The following RAPGEF3 variants were observed in gnomAD, a reference collection of about 807,000 sequenced individuals.
RAPGEF3 encodes 9330170P05Rik.
Under a neutral mutation model 129.8 loss-of-function variants are expected in RAPGEF3, and 103 were observed. That is an observed-to-expected ratio of 0.79 (90% CI 0.68 to 0.93). The LOEUF (loss-of-function observed/expected upper bound fraction) is 0.93, where lower values mean the gene tolerates loss of function less well. RAPGEF3 is among the 40% of genes least tolerant of loss of function. The pLI, the probability that RAPGEF3 is intolerant of heterozygous loss-of-function variation, is 0.00. For synonymous variants in RAPGEF3, 436 were observed against 482.6 expected (o/e 0.90, Z 1.26); for missense variants, 1,117 against 1,207.4 (o/e 0.93, Z 1.11).
At chr12:47,750,138 A>G in intron 7 of RAPGEF3, 148 bp from the exon 8 acceptor site, 1 of 1,153,320 alleles carries the variant, frequency 8.7e-7, no homozygotes, top group Non-Finnish European at 1.3e-6. Context: ...TCAGCAGGAG[A>G]CAAAGCAAGT....
rs796826496 is a variant in RAPGEF3 at position 47,739,202 on chromosome 12, C to G, written c.2402G>C (p.Arg801Pro). ...AGGGGAGAGCTTGGCGAGGGCCAGTCGGTATACCCGGTGGTTCCATGAGGG... is the reference window on the plus strand; with the variant it reads ...AGGGGAGAGCTTGGCGAGGGCCAGTGGGTATACCCGGTGGTTCCATGAGGG... ...LDPSWNHRVY[R>P]LALAKLSPPV... Residue 801 changes from arginine (R) to proline (P), a missense_variant, in exon 24 of 28, where the codon CGA becomes CCA. Arg to Pro is a moderately radical substitution (Grantham distance 103, BLOSUM62 -2). Around this residue, in one of 3 missense-constraint regions of RAPGEF3, gnomAD observed 643 missense variants for 673.4 expected, o/e 0.95. Transcript: ENST00000449771. The G allele has an allele frequency of 6.2e-7, 1 of 1,611,604 alleles. No individual in the cohort carries two copies. Among genetic ancestry groups the G allele is most frequent in the East Asian group, 2.2e-5 (1 of 44,862 alleles).
At position 47,747,321 on chromosome 12, in the gene RAPGEF3, A is replaced by C. The variant is rs527681288; in HGVS notation, c.1556+223T>G. Among the ~76,000 whole-genome samples the C allele has an allele frequency of 2.6e-5, 4 of 152,324 alleles. No homozygotes were observed. The South Asian group carries it at 8.3e-4, about 32-fold the overall frequency. On this transcript the variant is annotated intron_variant, in intron 15 of 27. Transcript: ENST00000449771. The stretch of plus-strand genomic sequence containing the variant: ...TGGAGGAAGTGAGAACAGCAGGTGC[A>C]CTCAGGATATGAGAATGAATAAATG...
Position 47,736,872 on chromosome 12 carries a change from AG to A in RAPGEF3, c.*694del, listed in dbSNP as rs1940817634. The A allele has an allele frequency of 6.6e-6, 1 of 152,292 alleles. No homozygotes were observed. 9.4% of individuals were successfully genotyped at this position (152,292 alleles called of 1,614,324 possible). A position where few individuals can be genotyped will look rare whatever the true frequency, so the allele number is the denominator to read the frequency against. On this transcript the variant is annotated 3_prime_UTR_variant, in exon 28 of 28. Transcript: ENST00000449771. ...GCCCGCCCTTTGGCCAGAGCCCTGG[AG>A]GCACATCTGGGTGGCATCAGGATCT...
At position 47,739,888 on chromosome 12, in the gene RAPGEF3, C is replaced by T. The variant is rs904616524; in HGVS notation, c.2373+253G>A. The T allele has an allele frequency of 7.0e-6, 4 of 574,564 alleles. No individual in the cohort carries two copies. The Admixed American group carries it at 1.2e-4, about 17-fold the overall frequency. The allele number at this position is 574,564 out of a possible 1,614,324, so 35.6% of individuals were successfully genotyped here. A position where few individuals can be genotyped will look rare whatever the true frequency, so the allele number is the denominator to read the frequency against. On this transcript the variant is annotated intron_variant, in intron 23 of 27. Transcript: ENST00000449771. ...CTCCAGCCCAGTCTTCACACAGGAT[C>T]TCCTGCCCCCATGCACACACTGAGG...
At chr12:47,741,080 C>A in intron 19 of RAPGEF3, 40 bp from the exon 20 acceptor site, 1 of 1,603,444 alleles carries the variant, frequency 6.2e-7, no homozygotes, top group Non-Finnish European at 8.5e-7. Context: ...CCTGAGGAAT[C>A]CAGGGAAAGG....
At chr12:47,748,429 C>T in intron 12 of RAPGEF3, 25 bp downstream of exon 12, 1 of 1,597,188 alleles carries the variant, frequency 6.3e-7, no homozygotes, top group Non-Finnish European at 8.6e-7. Flanking sequence ...AGTCAGAAAG[C>T]AGGCAGGGTG....
chr12:47,739,963 C>T, intron 23 of RAPGEF3, 178 bp downstream of exon 23: 3 of 731,442 alleles, frequency 4.1e-6, no homozygotes, highest in Non-Finnish European at 7.0e-6. Flanking sequence ...ACCCCTTCCT[C>T]AGCCAGCTCC....
chr12:47,754,251 C>CT (rs1343225911), intron 2 of RAPGEF3, among the ~76,000 whole-genome samples: 3 of 152,258 alleles, frequency 2.0e-5, no homozygotes, highest in African/African-American at 7.2e-5. Context: ...GTTTCCTCAG[C>CT]TTTGTGCTAT....
At chr12:47,751,279 C>G in intron 5 of RAPGEF3, 63 bp from the exon 6 acceptor site, 32 of 1,550,166 alleles carry the variant, frequency 2.1e-5, no homozygotes, top group Non-Finnish European at 2.8e-5. Context: ...GGTATGAAAC[C>G]CCACTGCGAT....
rs1592589199 is a variant in RAPGEF3, at chr12:47,758,609, T to A, written c.-53A>T. On this transcript the variant is annotated 5_prime_UTR_variant, in exon 1 of 28. Coordinates refer to ENST00000449771, the MANE Select transcript of RAPGEF3 (RefSeq NM_001098531.4). ...CAGGCTCTAGCAAAAGGCTGGGGGG[T>A]CCCCAGCGACCCCCATCAGCTTTGA... is the stretch of plus-strand genomic sequence containing the variant. 6.2e-7 allele frequency: 1 copy of A among 1,609,252 alleles called. No homozygotes were observed. Among genetic ancestry groups the A allele is most frequent in the South Asian group, 1.1e-5 (1 of 90,574 alleles).
intron 2 of RAPGEF3, chr12:47,753,767 A>T (rs1941895936): frequency 6.6e-6 from 1 of 152,214 alleles, no homozygotes; most frequent in Admixed American, 6.5e-5. Flanking sequence ...TCCCTGCCCC[A>T]ACTCCCATTG....
chr12:47,744,003 G>A lies in RAPGEF3; in HGVS notation c.1662C>T (p.Ile554=). ...ACCACCAACCTTTATCCCCAACTTG[G>A]ATGGCACAGCTGCTGCCAGGAAGGG... The part of the protein sequence containing the change: ...DEPLPGSSCA[I]QVGDKVPYDI... Residue 554 remains isoleucine (I), a synonymous_variant, in exon 17 of 28, where the codon ATC becomes ATT. Transcript: ENST00000449771. The A allele has an allele frequency of 1.9e-6, 3 of 1,609,724 alleles. No homozygotes were observed. Among genetic ancestry groups the A allele is most frequent in the Non-Finnish European group, 2.6e-6 (3 of 1,176,086 alleles).
chr12:47,743,986 C>G lies in RAPGEF3; in HGVS notation c.1678+1G>C. On this transcript the variant is annotated splice_donor_variant, in intron 17 of 27. Transcript: ENST00000449771. LOFTEE classifies it high-confidence loss of function. ...GTGCCCAGCCGGCACAGACCACCAACCTTTATCCCCAACTTGGATGGCACA... is the reference window on the plus strand; with the variant it reads ...GTGCCCAGCCGGCACAGACCACCAAGCTTTATCCCCAACTTGGATGGCACA... 1 of 1,601,328 alleles carries G rather than the reference C, an allele frequency of 6.2e-7. No individual in the cohort carries two copies. Among genetic ancestry groups the G allele is most frequent in the Non-Finnish European group, 8.6e-7 (1 of 1,168,664 alleles).
chr12:47,740,724 A>C lies in RAPGEF3; in HGVS notation c.2149T>G (p.Trp717Gly). 1 of 1,613,986 alleles carries C rather than the reference A, an allele frequency of 6.2e-7. No individual in the cohort carries two copies. Among genetic ancestry groups the C allele is most frequent in the Non-Finnish European group, 8.5e-7 (1 of 1,179,964 alleles). Residue 717 changes from tryptophan to glycine, a missense_variant, in exon 21 of 28, where the codon TGG becomes GGG. Coordinates refer to ENST00000449771, the MANE Select transcript of RAPGEF3 (RefSeq NM_001098531.4). The stretch of plus-strand genomic sequence containing the variant: ...CAGAGACACAGCTCGGTGGCCACCC[A>C]GTACTGCAGCTCATTGAAGCGGCGC... ...FMRRFNELQYWVATELCLCPV... is the reference protein window; with the variant it reads ...FMRRFNELQYGVATELCLCPV...
At position 47,740,979 on chromosome 12, in the gene RAPGEF3, C is replaced by CTCACCAGG; in HGVS notation, c.1977_1984dup (p.Ser662ThrfsTer3). The CTCACCAGG allele has an allele frequency of 6.2e-7, 1 of 1,613,642 alleles. No individual in the cohort carries two copies. Among genetic ancestry groups the CTCACCAGG allele is most frequent in the Non-Finnish European group, 8.5e-7 (1 of 1,179,880 alleles). On this transcript the variant is annotated stop_gained and frameshift_variant, in exon 20 of 28. Transcript: ENST00000449771. LOFTEE classifies it high-confidence loss of function. Reference sequence around the variant, plus strand: ...CAGCTGGCCTGCCAGGTCCTTGGCACTCACCAGGTCCAGCCCCTCAGCAGA... The same window carrying CTCACCAGG: ...CAGCTGGCCTGCCAGGTCCTTGGCACTCACCAGGTCACCAGGTCCAGCCCCTCAGCAGA...
At position 47,740,411 on chromosome 12, in the gene RAPGEF3, C is replaced by A; in HGVS notation, c.2232-16G>T. ...CTCCTTGAGGCTGTGAGCAGAAGAC[C>A]CAGAGACCCTCAGGGTAAGGGAAGC... On this transcript the variant is annotated splice_polypyrimidine_tract_variant and intron_variant, in intron 21 of 27. Transcript: ENST00000449771. 6.2e-7 allele frequency: 1 copy of A among 1,612,272 alleles called. No homozygotes were observed. Among genetic ancestry groups the A allele is most frequent in the Non-Finnish European group, 8.5e-7 (1 of 1,178,866 alleles).
At chr12:47,752,972 C>G (rs946110640) in intron 2 of RAPGEF3, among the ~76,000 whole-genome samples, 2 of 152,220 alleles carry the variant, frequency 1.3e-5, no homozygotes, top group African/African-American at 4.8e-5. Flanking sequence ...GAAAGCCCCT[C>G]ACGACCCTTC....
intron 11 of RAPGEF3, 71 bp downstream of exon 11, chr12:47,748,748 A>G: frequency 8.0e-7 from 1 of 1,251,392 alleles, no homozygotes; most frequent in South Asian, 1.2e-5. Context: ...GATATGACAC[A>G]GGGGAAGGGA....
At chr12:47,741,797 A>C (rs1209874470) in intron 18 of RAPGEF3, 195 bp from the exon 19 acceptor site, 41 of 596,970 alleles carry the variant, frequency 6.9e-5, no homozygotes, top group Non-Finnish European at 6.3e-5. Flanking sequence ...AGCACATCCA[A>C]GAGGATGAGG....
Sources: gnomAD v4.1 joint callset for allele counts (sites outside exome capture counted in the v4.1 genomes callset) on GRCh38, gnomAD v4.1.1 for gene constraint, gnomAD v4.1.1 regional missense constraint, MANE v1.5 for transcripts, NCBI Gene and HGNC (gene_info 2026-07-23, HGNC 2026-07-21) for gene names.